The following CSMD1 variants were observed in gnomAD, a reference collection of about 807,000 sequenced individuals.
CSMD1 encodes CUB and sushi domain-containing protein 1.
A neutral mutation model predicts 417.5 loss-of-function variants in CSMD1; 213 were observed. That is an observed-to-expected ratio of 0.51 (90% CI 0.46 to 0.57). CSMD1 has a LOEUF of 0.57. CSMD1 is among the 20% of genes least tolerant of loss of function. The probability of loss-of-function intolerance (pLI) is 0.00; values close to 1 mark genes in which losing one functional copy is unlikely to be tolerated. For synonymous variants in CSMD1, 2,862 were observed against 1,736.8 expected (o/e 1.65, Z -16.11); for missense variants, 6,923 against 4,529.7 (o/e 1.53, Z -15.17).
chr8:4,845,569 T>C (rs972930625), intron 1 of CSMD1, among the ~76,000 whole-genome samples: 4 of 152,222 alleles, frequency 2.6e-5, no homozygotes, highest in Non-Finnish European at 4.4e-5. Context: ...TCTTAGAATT[T>C]CTATAGTCAA....
chr8:3,708,134 C>T (rs889682756), intron 7 of CSMD1, among the ~76,000 whole-genome samples: 8 of 152,028 alleles, frequency 5.3e-5, no homozygotes, highest in African/African-American at 1.9e-4. Flanking sequence ...AATGACTGAC[C>T]GTGTCACATA....
chr8:3,634,920 A>G (rs994861436), intron 7 of CSMD1, among the ~76,000 whole-genome samples: 7 of 152,158 alleles, frequency 4.6e-5, no homozygotes, highest in African/African-American at 1.4e-4. Context: ...GCTTGCTCCT[A>G]GGCTACAAAC....
chr8:4,332,104 A>G (rs1360401295), intron 3 of CSMD1, among the ~76,000 whole-genome samples: 1 of 152,148 alleles, frequency 6.6e-6, no homozygotes, highest in African/African-American at 2.4e-5. Flanking sequence ...TTGCCAAGAA[A>G]CCACGCATAA....
intron 5 of CSMD1, among the ~76,000 whole-genome samples, chr8:3,893,218 C>A (rs963716993): frequency 6.6e-5 from 10 of 150,872 alleles, no homozygotes; most frequent in African/African-American, 2.4e-4. Context: ...GACTAGAAAC[C>A]TCTTAAAACA....
intron 54 of CSMD1, among the ~76,000 whole-genome samples, chr8:2,979,288 T>C (rs761444291): frequency 2.0e-5 from 3 of 152,238 alleles, no homozygotes; most frequent in Non-Finnish European, 4.4e-5. Context: ...CAACTAAAAA[T>C]GACAATTATT....
chr8:4,939,268 G>T (rs188531719), intron 1 of CSMD1, among the ~76,000 whole-genome samples: 3 of 152,116 alleles, frequency 2.0e-5, no homozygotes, highest in Non-Finnish European at 2.9e-5. Flanking sequence ...ACTAAAAATA[G>T]AACAACCATA....
At chr8:4,360,350 A>G (rs1381639247) in intron 3 of CSMD1, among the ~76,000 whole-genome samples, 1 of 152,196 alleles carries the variant, frequency 6.6e-6, no homozygotes, top group African/African-American at 2.4e-5. Context: ...CTGTTGCATG[A>G]TTAACACATG....
rs534037319 is a variant in CSMD1 at position 4,169,946 on chromosome 8, T to C, written c.416-137847A>G. On this transcript the variant is annotated intron_variant, in intron 3 of 69. Transcript: ENST00000635120. ...ACGTAACTCAGAAGAGATTTTGGCTTGCGTGTGTGTTTTCCTCCATACTGT... is the reference window on the plus strand; with the variant it reads ...ACGTAACTCAGAAGAGATTTTGGCTCGCGTGTGTGTTTTCCTCCATACTGT... Among the ~76,000 whole-genome samples, 43 of 150,052 alleles carry C rather than the reference T, an allele frequency of 2.9e-4. No individual in the cohort carries two copies. In the Middle Eastern group the frequency reaches 0.017, roughly 59 times the overall value.
rs539112991 is a variant in CSMD1, at chr8:4,100,926, G to A, written c.416-68827C>T. Among the ~76,000 whole-genome samples, 6 of 152,304 alleles carry A rather than the reference G, an allele frequency of 3.9e-5. No individual in the cohort carries two copies. In the East Asian group the frequency reaches 1.2e-3, roughly 29 times the overall value. On this transcript the variant is annotated intron_variant, in intron 3 of 69. Transcript: ENST00000635120. ...AACAGAAAGTGGTGTATATGAAGGTGGAAATGCTAAGAACCCAGAGTATTG... is the reference window on the plus strand; with the variant it reads ...AACAGAAAGTGGTGTATATGAAGGTAGAAATGCTAAGAACCCAGAGTATTG...
intron 2 of CSMD1, among the ~76,000 whole-genome samples, chr8:4,522,858 C>T (rs1455264657): frequency 3.3e-5 from 5 of 152,144 alleles, no homozygotes; most frequent in African/African-American, 1.2e-4. Context: ...GGGAACCATG[C>T]CCTGGCTACG....
chr8:3,593,700 A>G (rs775973270), intron 8 of CSMD1, among the ~76,000 whole-genome samples: 6 of 152,232 alleles, frequency 3.9e-5, no homozygotes, highest in Admixed American at 1.3e-4. Flanking sequence ...ATAAAACTAC[A>G]TTTTATACAT....
chr8:3,387,543 G>C lies in CSMD1; in HGVS notation c.2733C>G (p.Leu911=). The change falls in exon 18 of 70, where the codon CTC becomes CTG. Residue 911 remains leucine, a synonymous_variant. Transcript: ENST00000635120. ...TCCACTGGTGGTTCCTCTCACAGAC[G>C]AGGGGCTCGTCGTCACTTAGTGTGT... is the stretch of plus-strand genomic sequence containing the variant. ...PGYTLSDDEP[L]VCERNHQWNH... 4 of 1,602,324 alleles carry C rather than the reference G, an allele frequency of 2.5e-6. No homozygotes were observed. The highest frequency in any genetic ancestry group is 3.4e-6 in the Non-Finnish European group (4 of 1,174,452).
Position 3,732,912 on chromosome 8 carries a change from T to C in CSMD1, c.931+21018A>G, listed in dbSNP as rs113430306. On this transcript the variant is annotated intron_variant, in intron 6 of 69. Coordinates refer to ENST00000635120, the MANE Select transcript of CSMD1 (RefSeq NM_033225.6). ...CCATCTATCATCTATCTATCTATCA[T>C]CTATCATACAACTATTTATCTATCC... 2.7e-3 allele frequency among the ~76,000 whole-genome samples: 416 copies of C among 152,256 alleles called. 4 individuals carry two copies. Among genetic ancestry groups the C allele is most frequent in the African/African-American group, 9.4e-3 (391 of 41,538 alleles).
intron 29 of CSMD1, among the ~76,000 whole-genome samples, chr8:3,217,780 G>T (rs1037799006): frequency 6.6e-6 from 1 of 152,020 alleles, no homozygotes; most frequent in African/African-American, 2.4e-5. Context: ...TGGGAGCAAA[G>T]AAACCAATTT....
intron 5 of CSMD1, among the ~76,000 whole-genome samples, chr8:3,983,554 G>A (rs1211003117): frequency 1.2e-4 from 18 of 152,162 alleles, no homozygotes; most frequent in Non-Finnish European, 1.9e-4. Context: ...CCGTGGAGAA[G>A]GACAGCCCCA....
chr8:4,711,876 T>C (rs1808323082), intron 1 of CSMD1, among the ~76,000 whole-genome samples: 1 of 152,226 alleles, frequency 6.6e-6, no homozygotes, highest in South Asian at 2.1e-4. Context: ...ATGGTGATGA[T>C]GGCACAAATA....
At chr8:4,115,112 T>A (rs1011540717) in intron 3 of CSMD1, among the ~76,000 whole-genome samples, 1 of 152,178 alleles carries the variant, frequency 6.6e-6, no homozygotes, top group African/African-American at 2.4e-5. Context: ...GATAAATCTT[T>A]CATGAAAAAA....
intron 3 of CSMD1, among the ~76,000 whole-genome samples, chr8:4,073,448 G>A (rs572827477): frequency 1.3e-5 from 2 of 152,204 alleles, no homozygotes; most frequent in African/African-American, 4.8e-5. Flanking sequence ...CTGTGCGACT[G>A]TCTTACTTAG....
chr8:4,579,471 G>A (rs1799311029), intron 2 of CSMD1, among the ~76,000 whole-genome samples: 1 of 151,754 alleles, frequency 6.6e-6, no homozygotes, highest in South Asian at 2.1e-4. Context: ...TAATTCTCCT[G>A]CCTCCCTTAG....
Sources: allele counts gnomAD v4.1 joint callset (sites outside exome capture counted in the v4.1 genomes callset), GRCh38; gene constraint gnomAD v4.1.1; transcripts MANE v1.5; gene names NCBI Gene and HGNC (gene_info 2026-07-23, HGNC 2026-07-21).